ADAM23: variants seen among roughly 807,000 people sequenced by gnomAD.
ADAM23 encodes disintegrin and metalloproteinase domain-containing protein 23.
A neutral mutation model predicts 120.1 loss-of-function variants in ADAM23; 33 were observed. The observed-to-expected ratio is 0.27, with a 90% CI of 0.21 to 0.37. The LOEUF is 0.37. ADAM23 is among the 10% of genes least tolerant of loss of function. The probability of loss-of-function intolerance (pLI) is 1.00; values close to 1 mark genes in which losing one functional copy is unlikely to be tolerated. For missense variants in ADAM23, 862 were observed against 1,058.2 expected (o/e 0.81, Z 2.57); for synonymous variants, 367 against 375.2 (o/e 0.98, Z 0.25).
intron 18 of ADAM23, among the ~76,000 whole-genome samples, chr2:206,583,318 G>T (rs907568811): frequency 1.3e-5 from 2 of 152,126 alleles, no homozygotes; most frequent in Non-Finnish European, 2.9e-5. Context: ...GCCGGGCGTG[G>T]TAACGAGCGC....
chr2:206,583,415 C>G (rs1698259052), intron 18 of ADAM23, among the ~76,000 whole-genome samples: 1 of 151,062 alleles, frequency 6.6e-6, no homozygotes, highest in Non-Finnish European at 1.5e-5. Context: ...GATAGTGCCA[C>G]TGCACTCTGG....
chr2:206,616,570 T>G (rs1037318383), intron 25 of ADAM23, among the ~76,000 whole-genome samples: 1 of 152,178 alleles, frequency 6.6e-6, no homozygotes. Context: ...GGTATTGTTT[T>G]TATTTTGAAT....
intron 2 of ADAM23, among the ~76,000 whole-genome samples, chr2:206,453,172 A>G (rs1695231533): frequency 6.6e-6 from 1 of 152,152 alleles, no homozygotes; most frequent in South Asian, 2.1e-4. Context: ...GTTTACCCAA[A>G]GGTCAGTCCA....
chr2:206,498,806 A>T (rs1429050689), intron 3 of ADAM23, among the ~76,000 whole-genome samples: 1 of 152,172 alleles, frequency 6.6e-6, no homozygotes, highest in Non-Finnish European at 1.5e-5. Context: ...AATTTACAAG[A>T]AAAAAACAAC....
At chr2:206,550,599 CTTTTTTT>C (rs67340305) in intron 9 of ADAM23, among the ~76,000 whole-genome samples, 1 of 137,284 alleles carries the variant, frequency 7.3e-6, no homozygotes, top group Non-Finnish European at 1.6e-5. Context: ...GACTTATCGT[CTTTTTTT>C]TTTTTTTTTT....
intron 3 of ADAM23, among the ~76,000 whole-genome samples, chr2:206,495,021 A>G (rs916474594): frequency 6.6e-6 from 1 of 151,974 alleles, no homozygotes; most frequent in African/African-American, 2.4e-5. Flanking sequence ...ATCTACGTCT[A>G]ATTGGTGTAC....
At chr2:206,584,720 AC>A (rs1290450371) in intron 18 of ADAM23, among the ~76,000 whole-genome samples, 1 of 152,134 alleles carries the variant, frequency 6.6e-6, no homozygotes, top group African/African-American at 2.4e-5. Flanking sequence ...AAGTCTGCAC[AC>A]CCGATTGGTG....
intron 10 of ADAM23, 88 bp downstream of exon 10, chr2:206,557,586 C>A: frequency 7.9e-7 from 1 of 1,269,302 alleles, no homozygotes. Context: ...ATTTCTTGAA[C>A]AAATTTAAAA....
intron 4 of ADAM23, 140 bp from the exon 5 acceptor site, chr2:206,541,912 T>G: frequency 1.3e-6 from 1 of 797,670 alleles, no homozygotes; most frequent in Non-Finnish European, 2.0e-6. Context: ...ATTTGCAACT[T>G]TATATAGGAG....
At chr2:206,566,897 A>G (rs111490567) in intron 14 of ADAM23, among the ~76,000 whole-genome samples, 1 of 152,176 alleles carries the variant, frequency 6.6e-6, no homozygotes, top group Non-Finnish European at 1.5e-5. Context: ...GCAAATAAAA[A>G]TTAACAAACT....
At chr2:206,574,182 T>C (rs1212106450) in intron 18 of ADAM23, among the ~76,000 whole-genome samples, 1 of 152,190 alleles carries the variant, frequency 6.6e-6, no homozygotes, top group African/African-American at 2.4e-5. Flanking sequence ...TTCATCATCA[T>C]GTCAACGTTC....
At chr2:206,455,231 A>C (rs1030163421) in intron 2 of ADAM23, among the ~76,000 whole-genome samples, 6 of 152,220 alleles carry the variant, frequency 3.9e-5, no homozygotes, top group Non-Finnish European at 2.9e-5. Flanking sequence ...TACCACGTGG[A>C]AGCCACCAAG....
At chr2:206,477,558 A>G (rs905183899) in intron 2 of ADAM23, among the ~76,000 whole-genome samples, 15 of 152,110 alleles carry the variant, frequency 9.9e-5, no homozygotes, top group African/African-American at 3.1e-4. Context: ...AGGCTGTTTA[A>G]CAGATATCCC....
rs932246526 is a variant in ADAM23 at position 206,601,589 on chromosome 2, A to G, written c.2359+5427A>G. ...GGAGTTCCAGACCAGCCTGAGCAAC[A>G]TGGAAAAACCCCGTCTATATAAAAA... On this transcript the variant is annotated intron_variant, in intron 24 of 25. Coordinates refer to ENST00000264377, the MANE Select transcript of ADAM23 (RefSeq NM_003812.4). 1.4e-4 allele frequency among the ~76,000 whole-genome samples: 22 copies of G among 152,086 alleles called. 1 individual carries two copies. Among genetic ancestry groups the G allele is most frequent in the Non-Finnish European group, 2.6e-4 (18 of 68,008 alleles).
intron 18 of ADAM23, among the ~76,000 whole-genome samples, chr2:206,582,483 A>G (rs559366373): frequency 1.3e-5 from 2 of 152,266 alleles, no homozygotes; most frequent in Non-Finnish European, 2.9e-5. Flanking sequence ...GTGAGTTCTT[A>G]TCCATTCTGT....
rs547956022 is a variant in ADAM23, at chr2:206,617,771, T to G, written c.*144T>G. On this transcript the variant is annotated 3_prime_UTR_variant, in exon 26 of 26. Transcript: ENST00000264377. ...GGAGCTAAAGTTGGGGTGACAAGGA[T>G]GGGGTAAAAGAAAACTGTCTCTTTT... The G allele has an allele frequency of 1.4e-6, 2 of 1,471,736 alleles. No homozygotes were observed. Among genetic ancestry groups the G allele is most frequent in the Middle Eastern group, 2.0e-4 (1 of 5,122 alleles). 91.2% of individuals were successfully genotyped at this position (1,471,736 alleles called of 1,614,324 possible).
intron 15 of ADAM23, among the ~76,000 whole-genome samples, chr2:206,567,911 A>G (rs1697921580): frequency 6.6e-6 from 1 of 152,122 alleles, no homozygotes; most frequent in East Asian, 1.9e-4. Flanking sequence ...GAGAGAGAGA[A>G]AGAGTGCGAG....
chr2:206,501,426 T>G (rs1696384685), intron 3 of ADAM23, among the ~76,000 whole-genome samples: 1 of 152,088 alleles, frequency 6.6e-6, no homozygotes, highest in Non-Finnish European at 1.5e-5. Context: ...AGACTGAGCA[T>G]TAGGCTACTT....
intron 14 of ADAM23, among the ~76,000 whole-genome samples, chr2:206,565,450 A>C (rs115760674): frequency 6.6e-6 from 1 of 152,206 alleles, no homozygotes; most frequent in Non-Finnish European, 1.5e-5. Context: ...GTAAATATAT[A>C]TGTTTACGGT....
Sources: allele counts gnomAD v4.1 joint callset (sites outside exome capture counted in the v4.1 genomes callset), GRCh38; gene constraint gnomAD v4.1.1; transcripts MANE v1.5; gene names NCBI Gene and HGNC (gene_info 2026-07-23, HGNC 2026-07-21).